Variants in PIEZO1 observed in about 807,000 individuals in gnomAD.
PIEZO1 encodes piezo-type mechanosensitive ion channel component 1.
Under a neutral mutation model 297.2 loss-of-function variants are expected in PIEZO1, and 296 were observed. The ratio of observed to expected loss-of-function variants is 1.00; its 90% CI spans 0.91 to 1.10. PIEZO1 has a LOEUF of 1.10. PIEZO1 is among the 50% of genes least tolerant of loss of function. The pLI, the probability that PIEZO1 is intolerant of heterozygous loss-of-function variation, is 0.00. For synonymous variants in PIEZO1, 2,427 were observed against 1,507.5 expected, an observed-to-expected ratio of 1.61 and a Z score of -14.13; for missense variants, 5,018 against 3,455.5, an observed-to-expected ratio of 1.45 and a Z score of -11.34.
chr16:88,725,298 C>A (rs1597448462), intron 29 of PIEZO1, 118 bp downstream of exon 29: 4 of 728,086 alleles, frequency 5.5e-6, no homozygotes, highest in African/African-American at 5.4e-5. Context: ...ATCATGCGGA[C>A]AGGACAGGCG....
rs775027871 is a variant in PIEZO1 at position 88,733,943 on chromosome 16, G to A, written c.2292C>T (p.Gly764=). 24 of 1,542,838 alleles carry A rather than the reference G, an allele frequency of 1.6e-5. No individual in the cohort carries two copies. Among genetic ancestry groups the A allele is most frequent in the Admixed American group, 9.9e-5 (5 of 50,674 alleles). The change falls in exon 17 of 51, where the codon GGC becomes GGT. Residue 764 remains glycine (G), a synonymous_variant. Transcript: ENST00000301015. ...EEEDSRDEGL[G]VATPHQATQV... ...GCGTGGCCTGGTGGGGAGTGGCCAC[G>A]CCCAGCCCCTCGTCCCTGGAGTCCT...
At position 88,764,595 on chromosome 16, in the gene PIEZO1, A is replaced by G. The variant is rs940548324; in HGVS notation, c.65-15116T>C. ...ACGAAACCCCGTCGCTACTAAAAAT[A>G]CAAAAATTAGCCGGGCATGGTGGCA... On this transcript the variant is annotated intron_variant, in intron 1 of 50. Coordinates refer to ENST00000301015, the MANE Select transcript of PIEZO1 (RefSeq NM_001142864.4). 2.0e-5 allele frequency among the ~76,000 whole-genome samples: 3 copies of G among 151,882 alleles called. No homozygotes were observed. The South Asian group carries it at 6.2e-4, about 32-fold the overall frequency.
chr16:88,780,151 C>A (rs762546796), intron 1 of PIEZO1, among the ~76,000 whole-genome samples: 66 of 152,222 alleles, frequency 4.3e-4, no homozygotes, highest in Non-Finnish European at 8.7e-4. Context: ...GACCCTGGAC[C>A]CCAAGTCCCC....
At chr16:88,735,331 G>A (rs1411711535) in intron 12 of PIEZO1, 85 bp from the exon 13 acceptor site, 3 of 938,682 alleles carry the variant, frequency 3.2e-6, no homozygotes, top group South Asian at 1.4e-5. Context: ...TCCTATAGCA[G>A]GGGGCAAGAG....
chr16:88,727,331 C>T (rs1283600735), intron 23 of PIEZO1, 139 bp from the exon 24 acceptor site: 9 of 1,035,754 alleles, frequency 8.7e-6, no homozygotes, highest in Admixed American at 5.7e-5. Context: ...GGTGAGTGGC[C>T]GGGTGTCCCT....
intron 1 of PIEZO1, among the ~76,000 whole-genome samples, chr16:88,768,086 G>C (rs1178019212): frequency 6.6e-6 from 1 of 152,128 alleles, no homozygotes; most frequent in Non-Finnish European, 1.5e-5. Context: ...CCAAAGCCAT[G>C]TGCCACCACA....
chr16:88,720,252 G>C lies in PIEZO1; in HGVS notation c.5981C>G (p.Ser1994Cys). Reference sequence around the variant, plus strand: ...CTCGGGTACCTGGTCGTCTGATAGGGAGGACGTGATGTCTGTGGCCGCCGA... The same window carrying C: ...CTCGGGTACCTGGTCGTCTGATAGGCAGGACGTGATGTCTGTGGCCGCCGA... ...KHSAATDITS[S>C]LSDDQVPEAF... Residue 1994 changes from serine (S) to cysteine (C), a missense_variant, in exon 42 of 51, where the codon TCC becomes TGC. Coordinates refer to ENST00000301015, the MANE Select transcript of PIEZO1 (RefSeq NM_001142864.4). 1 of 1,550,524 alleles carries C rather than the reference G, an allele frequency of 6.4e-7. No homozygotes were observed. The highest frequency in any genetic ancestry group is 8.7e-7 in the Non-Finnish European group (1 of 1,146,968).
Position 88,717,204 on chromosome 16 carries a change from G to C in PIEZO1, c.6479C>G (p.Pro2160Arg). The C allele has an allele frequency of 6.5e-7, 1 of 1,548,712 alleles. No individual in the cohort carries two copies. Among genetic ancestry groups the C allele is most frequent in the Middle Eastern group, 1.7e-4 (1 of 5,994 alleles). The stretch of plus-strand genomic sequence containing the variant: ...CTTCTTCTTCTGCCCTTTGGGCTGC[G>C]GGTATTTCTGGAGGGGAACGACACA... The part of the protein sequence containing the change: ...KCSRETEKKY[P>R]QPKGQKKKKI... Residue 2160 changes from proline (P) to arginine (R), a missense_variant, in exon 45 of 51, where the codon CCG becomes CGG. Coordinates refer to ENST00000301015, the MANE Select transcript of PIEZO1 (RefSeq NM_001142864.4).
At position 88,733,688 on chromosome 16, in the gene PIEZO1, G is replaced by A. The variant is rs968995369; in HGVS notation, c.2387C>T (p.Ser796Leu). Residue 796 changes from serine (S) to leucine (L), a missense_variant, in exon 18 of 51, where the codon TCG (serine) becomes TTG (leucine). Coordinates refer to ENST00000301015, the MANE Select transcript of PIEZO1 (RefSeq NM_001142864.4). ...CACCTGCACGCGTGAGAGGACGTCC[G>A]AGAAGCCGGCTGCCAGCTCCAGCAG... Reference protein sequence around the residue: ...ERLLELAAGFSDVLSRVQVFL... With the variant: ...ERLLELAAGFLDVLSRVQVFL... The A allele has an allele frequency of 2.8e-5, 43 of 1,549,022 alleles. No homozygotes were observed. In the Admixed American group the frequency reaches 3.2e-4, roughly 11 times the overall value.
intron 1 of PIEZO1, among the ~76,000 whole-genome samples, chr16:88,773,444 G>A (rs1460364424): frequency 6.6e-6 from 1 of 152,260 alleles, no homozygotes; most frequent in Non-Finnish European, 1.5e-5. Flanking sequence ...ACCGATGGGC[G>A]CAGCACAGAC....
intron 27 of PIEZO1, chr16:88,726,064 G>C (rs1008946655): frequency 1.7e-6 from 1 of 585,964 alleles, no homozygotes. Context: ...GCCACCGTCA[G>C]CACTGCAGCC....
chr16:88,736,462 C>T lies in PIEZO1; in HGVS notation c.1297-54G>A. 6.8e-6 allele frequency: 9 copies of T among 1,323,800 alleles called. No homozygotes were observed. The South Asian group carries it at 1.2e-4, about 18-fold the overall frequency. The allele number at this position is 1,323,800 out of a possible 1,614,324, so 82.0% of individuals were successfully genotyped here. A position where few individuals can be genotyped will look rare whatever the true frequency, so the allele number is the denominator to read the frequency against. ...CCCAGCGCACCCCACCCAGGCGATG[C>T]CCCACACCTGCGCGGCAGAGGGGGC... is the stretch of plus-strand genomic sequence containing the variant. On this transcript the variant is annotated intron_variant, in intron 11 of 50. Transcript: ENST00000301015.
At chr16:88,780,274 C>T (rs1907869598) in intron 1 of PIEZO1, among the ~76,000 whole-genome samples, 1 of 152,188 alleles carries the variant, frequency 6.6e-6, no homozygotes, top group Non-Finnish European at 1.5e-5. Flanking sequence ...AATTAACTTC[C>T]CTCACCCCAG....
intron 10 of PIEZO1, 67 bp downstream of exon 10, chr16:88,737,491 CA>C (rs1905301432): frequency 2.6e-6 from 3 of 1,146,134 alleles, no homozygotes; most frequent in South Asian, 2.9e-5. Flanking sequence ...AGGCGGCCAC[CA>C]GGGGGCAGCA....
chr16:88,744,831 G>T (rs1905936380), intron 2 of PIEZO1, among the ~76,000 whole-genome samples: 1 of 151,970 alleles, frequency 6.6e-6, no homozygotes, highest in Non-Finnish European at 1.5e-5. Flanking sequence ...GATCAGACTA[G>T]GGAGCTGAGA....
At chr16:88,722,557 G>A (rs1435538765) in intron 35 of PIEZO1, 26 bp downstream of exon 35, 4 of 1,479,624 alleles carry the variant, frequency 2.7e-6, no homozygotes, top group East Asian at 5.0e-5. Context: ...GGCAGCAGCT[G>A]GGGCTCGGGT....
In PIEZO1 at chr16:88,736,215, C is replaced by T. The variant is rs1435848241; in HGVS notation, c.1490G>A (p.Gly497Asp). ...CCCCAGCTGGCGCAGGCTGACGGGGCCCAGGGTGGTGGGCAGCTCAGGGCG... is the reference window on the plus strand; with the variant it reads ...CCCCAGCTGGCGCAGGCTGACGGGGTCCAGGGTGGTGGGCAGCTCAGGGCG... ...DLRPELPTTLGPVSLRQLGLE... is the reference protein window; with the variant it reads ...DLRPELPTTLDPVSLRQLGLE... Residue 497 changes from glycine (G) to aspartate (D), a missense_variant, in exon 12 of 51, where the codon GGC becomes GAC. Physicochemically the swap from Gly to Asp is moderately conservative, Grantham distance 94. Transcript: ENST00000301015. 2.6e-6 allele frequency: 4 copies of T among 1,549,878 alleles called. No individual in the cohort carries two copies. The South Asian group carries it at 4.8e-5, about 18-fold the overall frequency.
chr16:88,752,595 G>A (rs1002163888), intron 1 of PIEZO1, among the ~76,000 whole-genome samples: 1 of 152,128 alleles, frequency 6.6e-6, no homozygotes, highest in Non-Finnish European at 1.5e-5. Flanking sequence ...TGGGGCTGGA[G>A]ATGAGGCGGG....
chr16:88,780,095 C>T (rs1436063578), intron 1 of PIEZO1, among the ~76,000 whole-genome samples: 2 of 152,214 alleles, frequency 1.3e-5, no homozygotes, highest in Non-Finnish European at 2.9e-5. Context: ...TGCCCACGAG[C>T]CGCCACCAGG....
Sources: allele counts gnomAD v4.1 joint callset (sites outside exome capture counted in the v4.1 genomes callset), GRCh38; gene constraint gnomAD v4.1.1; transcripts MANE v1.5; gene names NCBI Gene and HGNC (gene_info 2026-07-23, HGNC 2026-07-21).